Variants in PDLIM2 observed in about 807,000 individuals in gnomAD.
PDLIM2 encodes PDZ and LIM domain protein 2.
Under a neutral mutation model 54.1 loss-of-function variants are expected in PDLIM2, and 51 were observed. That is an observed-to-expected ratio of 0.94 (90% confidence interval 0.75 to 1.19). PDLIM2 has a LOEUF of 1.19. Among genes scored for constraint, PDLIM2 ranks in the 50% most tolerant of loss-of-function variants. The probability of loss-of-function intolerance (pLI) is 0.00; values close to 1 mark genes in which losing one functional copy is unlikely to be tolerated. For synonymous variants in PDLIM2, 398 were observed against 385.6 expected (o/e 1.03, Z -0.38); for missense variants, 912 against 874.0 (o/e 1.04, Z -0.55).
At chr8:22,593,577 CAAAAAAAAA>C (rs59345957) in intron 9 of PDLIM2, 147 bp from the exon 9 acceptor site, 4,668 of 387,692 alleles carry the variant, frequency 0.012, 10 homozygotes, top group South Asian at 0.021. Context: ...AACTCCATCT[CAAAAAAAAA>C]AAAAAAAAAA....
chr8:22,595,123 C>G (rs923739338), downstream of PDLIM2: 1 of 155,026 alleles, frequency 6.5e-6, no homozygotes, highest in African/African-American at 2.4e-5. Context: ...CAGAGAAGAT[C>G]AAAGCTGGGC....
exon 1 of PDLIM2, chr8:22,579,381 C>G: frequency 6.7e-7 from 1 of 1,500,082 alleles, no homozygotes; most frequent in Non-Finnish European, 8.8e-7. Context: ...GCGCTCTCCC[C>G]GGCCGGAGCG....
At chr8:22,591,363 T>G in intron 8 of PDLIM2, 188 bp from the exon 8 acceptor site, 1 of 629,960 alleles carries the variant, frequency 1.6e-6, no homozygotes, top group East Asian at 2.8e-5. Flanking sequence ...CCTGCCTCCT[T>G]CATGCCCTTG....
intron 1 of PDLIM2, 145 bp from the exon 1 acceptor site, chr8:22,580,330 C>G: frequency 1.6e-6 from 1 of 630,280 alleles, no homozygotes; most frequent in Non-Finnish European, 2.5e-6. Flanking sequence ...CCCTGCCTGG[C>G]AGCCTGGGCA....
intron 6 of PDLIM2, 72 bp downstream of exon 5, chr8:22,585,471 C>G (rs536974409): frequency 6.8e-7 from 1 of 1,464,110 alleles, no homozygotes; most frequent in Non-Finnish European, 9.3e-7. Flanking sequence ...GCCAGTGCCC[C>G]GGGACTGCAG....
chr8:22,589,015 T>TCCTGCTG, intron 6 of PDLIM2: 1 of 558,536 alleles, frequency 1.8e-6, no homozygotes, highest in Non-Finnish European at 3.2e-6. Context: ...CCTGCTGCCT[T>TCCTGCTG]CCTGCTGCCC....
intron 9 of PDLIM2, chr8:22,593,404 C>A (rs113615710): frequency 3.9e-6 from 1 of 257,218 alleles, no homozygotes; most frequent in Non-Finnish European, 7.4e-6. Flanking sequence ...CGGTAAAACC[C>A]GTCTCTACTA....
intron 2 of PDLIM2, 51 bp downstream of exon 1, chr8:22,580,748 G>A (rs775714091): frequency 9.5e-6 from 15 of 1,577,620 alleles, no homozygotes; most frequent in Non-Finnish European, 1.2e-5. Context: ...AAGCGAGGTC[G>A]GCCCTGTTCA....
intron 3 of PDLIM2, among the ~76,000 whole-genome samples, chr8:22,583,617 T>C (rs1259204154): frequency 6.6e-6 from 1 of 151,684 alleles, no homozygotes; most frequent in Non-Finnish European, 1.5e-5. Flanking sequence ...AATACAAAAA[T>C]TAGCCGGGCA....
At chr8:22,580,760 C>A in intron 2 of PDLIM2, 63 bp downstream of exon 1, 1 of 1,521,356 alleles carries the variant, frequency 6.6e-7, no homozygotes, top group East Asian at 2.3e-5. Flanking sequence ...CCCTGTTCAC[C>A]CCACTCTGCA....
downstream of PDLIM2, chr8:22,595,410 G>A (rs1338101412): frequency 1.3e-5 from 2 of 152,256 alleles, no homozygotes; most frequent in Non-Finnish European, 2.9e-5. Context: ...GTCCAGTTTG[G>A]CCCATGGCGG....
At chr8:22,581,984 C>T (rs574603513) in intron 3 of PDLIM2, among the ~76,000 whole-genome samples, 47 of 152,358 alleles carry the variant, frequency 3.1e-4, no homozygotes, top group African/African-American at 1.1e-3. Flanking sequence ...GGGCTCATTC[C>T]TCATAGAGGC....
intron 3 of PDLIM2, among the ~76,000 whole-genome samples, chr8:22,582,874 G>A (rs1409089061): frequency 2.0e-5 from 3 of 150,858 alleles, no homozygotes; most frequent in Non-Finnish European, 3.0e-5. Flanking sequence ...CACCGCGCCC[G>A]GCCCAGTCTC....
chr8:22,590,885 A>G (rs1001918286), intron 8 of PDLIM2: 1 of 152,864 alleles, frequency 6.5e-6, no homozygotes, highest in Non-Finnish European at 1.5e-5. Flanking sequence ...TTTTGGGAGC[A>G]AATGTAAGAG....
At chr8:22,589,864 C>A (rs534316064) in intron 8 of PDLIM2, 123 bp downstream of exon 7, 2 of 1,350,708 alleles carry the variant, frequency 1.5e-6, no homozygotes, top group African/African-American at 2.9e-5. Context: ...GGACTAGGCA[C>A]GGAGCCGAGC....
rs1262310801 is a variant in PDLIM2, at chr8:22,578,986, T to TC, written c.213dup (p.Gly72ArgfsTer22). On this transcript the variant is annotated frameshift_variant, in exon 1 of 10. Transcript: ENST00000308354. LOFTEE classifies it high-confidence loss of function. ...GGGGCCCTGGGGACAGCCTGCCTCATCCCCCCGGCGGGCTCGGGCCAGGTG... is the reference window on the plus strand; with the variant it reads ...GGGGCCCTGGGGACAGCCTGCCTCATCCCCCCCGGCGGGCTCGGGCCAGGTG... The TC allele has an allele frequency of 4.6e-5, 57 of 1,241,204 alleles. 1 individual carries two copies. In the South Asian group the frequency reaches 2.0e-3, roughly 44 times the overall value. The allele number at this position is 1,241,204 out of a possible 1,614,324, so 76.9% of individuals were successfully genotyped here. A position where few individuals can be genotyped will look rare whatever the true frequency, so the allele number is the denominator to read the frequency against.
intron 3 of PDLIM2, among the ~76,000 whole-genome samples, chr8:22,583,088 A>G (rs1025919504): frequency 6.6e-6 from 1 of 152,036 alleles, no homozygotes; most frequent in Non-Finnish European, 1.5e-5. Context: ...CTCTAGAGGC[A>G]GCCTCACGGC....
At chr8:22,586,771 C>T (rs1459110230) in intron 6 of PDLIM2, among the ~76,000 whole-genome samples, 1 of 152,158 alleles carries the variant, frequency 6.6e-6, no homozygotes, top group Non-Finnish European at 1.5e-5. Flanking sequence ...TCGTGTTGCC[C>T]CCAGTCCAGG....
exon 1 of PDLIM2, chr8:22,579,162 G>A (rs562833568): frequency 7.5e-7 from 1 of 1,335,938 alleles, no homozygotes; most frequent in East Asian, 3.1e-5. Flanking sequence ...GAGCGGTGGC[G>A]TCTCCCCGCC....
Sources: allele counts gnomAD v4.1 joint callset (sites outside exome capture counted in the v4.1 genomes callset), GRCh38; gene constraint gnomAD v4.1.1; transcripts MANE v1.5; gene names NCBI Gene and HGNC (gene_info 2026-07-23, HGNC 2026-07-21).